GPHN: variants seen among roughly 807,000 people sequenced by gnomAD.
The protein encoded by GPHN is gephyrin.
In GPHN, 17 loss-of-function variants were observed where a neutral mutation model predicts 95.5. The observed-to-expected ratio is 0.18, with a 90% CI of 0.12 to 0.27. The LOEUF (loss-of-function observed/expected upper bound fraction) is 0.27. Among genes scored for constraint, GPHN ranks in the 10% least tolerant of loss-of-function variants. GPHN has a pLI of 1.00. For missense variants in GPHN, 660 were observed against 978.1 expected (o/e 0.67, Z 4.34); for synonymous variants, 320 against 322.5 (o/e 0.99, Z 0.08).
chr14:66,901,391 C>T (rs1350062851), intron 5 of GPHN, among the ~76,000 whole-genome samples: 2 of 151,842 alleles, frequency 1.3e-5, no homozygotes, highest in Non-Finnish European at 2.9e-5. Flanking sequence ...TTTGTATAAC[C>T]CCATTTGTCT....
intron 5 of GPHN, among the ~76,000 whole-genome samples, chr14:66,893,901 A>G (rs1345056680): frequency 6.6e-6 from 1 of 152,156 alleles, no homozygotes; most frequent in Non-Finnish European, 1.5e-5. Context: ...ATGCTCATGG[A>G]TAGGAAGAAT....
At chr14:67,561,803 A>C in the GPHN span, 1 of 632,370 alleles carries the variant, frequency 1.6e-6, no homozygotes, top group South Asian at 2.0e-5. Context: ...CTGGGAGGTC[A>C]AGGCTGCAGT....
chr14:66,581,027 G>A (rs1464359685), intron 1 of GPHN, among the ~76,000 whole-genome samples: 1 of 151,726 alleles, frequency 6.6e-6, no homozygotes, highest in East Asian at 1.9e-4. Context: ...GTTGATAAAT[G>A]TCATACATTA....
intron 8 of GPHN, among the ~76,000 whole-genome samples, chr14:66,957,193 T>C (rs1213591551): frequency 1.2e-4 from 16 of 128,162 alleles, no homozygotes; most frequent in African/African-American, 4.6e-4. Context: ...CTTTCTTTTT[T>C]TTTTTTTTTT....
the GPHN span, among the ~76,000 whole-genome samples, chr14:67,554,193 T>C: frequency 2.0e-5 from 3 of 152,198 alleles, no homozygotes; most frequent in African/African-American, 7.2e-5. Context: ...AACTACTGCT[T>C]CCATGTAACT....
chr14:67,709,907 C>A, the GPHN span, among the ~76,000 whole-genome samples: 1 of 152,178 alleles, frequency 6.6e-6, no homozygotes, highest in African/African-American at 2.4e-5. Flanking sequence ...TAGGGCAAAC[C>A]TGCCTTCCAT....
At chr14:66,870,284 A>AGTG (rs2063381186) in intron 4 of GPHN, among the ~76,000 whole-genome samples, 1 of 152,174 alleles carries the variant, frequency 6.6e-6, no homozygotes, top group Admixed American at 6.5e-5. Context: ...CATCAGCATC[A>AGTG]ATGCCTTTCA....
chr14:66,832,008 A>C (rs2061599262), intron 4 of GPHN, among the ~76,000 whole-genome samples: 2 of 152,070 alleles, frequency 1.3e-5, no homozygotes, highest in African/African-American at 4.8e-5. Context: ...TTAGCCAGGC[A>C]TGTTGTTGCA....
chr14:67,314,093 C>T, the GPHN span, among the ~76,000 whole-genome samples: 4 of 151,852 alleles, frequency 2.6e-5, no homozygotes, highest in African/African-American at 9.7e-5. Context: ...GCGATCATCC[C>T]TCCTACTCAC....
At chr14:67,709,877 A>T in the GPHN span, among the ~76,000 whole-genome samples, 1 of 152,218 alleles carries the variant, frequency 6.6e-6, no homozygotes, top group Non-Finnish European at 1.5e-5. Flanking sequence ...CACTAAGGAA[A>T]TCTCAAGCTG....
At chr14:66,568,635 TA>T (rs756238872) in intron 1 of GPHN, among the ~76,000 whole-genome samples, 38 of 152,268 alleles carry the variant, frequency 2.5e-4, no homozygotes, top group Middle Eastern at 3.4e-3. Flanking sequence ...AATTGAACTT[TA>T]AATACATTCT....
the GPHN span, among the ~76,000 whole-genome samples, chr14:67,331,653 A>G: frequency 1.3e-5 from 2 of 152,188 alleles, no homozygotes; most frequent in African/African-American, 4.8e-5. Context: ...ATGAAGTACT[A>G]AATAAGTGAT....
intron 4 of GPHN, 130 bp from the exon 5 acceptor site, chr14:66,879,809 A>T (rs1462577855): frequency 1.9e-5 from 13 of 699,236 alleles, no homozygotes; most frequent in Non-Finnish European, 3.1e-5. Flanking sequence ...AAAAAGATAA[A>T]TGTTTCAGAA....
At chr14:66,675,938 A>G (rs1207449000) in intron 1 of GPHN, among the ~76,000 whole-genome samples, 2 of 151,940 alleles carry the variant, frequency 1.3e-5, no homozygotes, top group Non-Finnish European at 2.9e-5. Context: ...TAAAAACATC[A>G]CTGATTCTTG....
the GPHN span, among the ~76,000 whole-genome samples, chr14:67,520,363 G>A: frequency 5.3e-5 from 8 of 152,048 alleles, no homozygotes; most frequent in African/African-American, 1.9e-4. Flanking sequence ...TTAACCCCTG[G>A]CAACCACTGT....
the GPHN span, chr14:67,225,177 GC>G: frequency 6.3e-7 from 1 of 1,577,522 alleles, no homozygotes; most frequent in Non-Finnish European, 8.6e-7. Context: ...TCATCTGTCT[GC>G]CCCTTTCTCA....
intron 5 of GPHN, among the ~76,000 whole-genome samples, chr14:66,893,617 T>A (rs2064650615): frequency 6.6e-6 from 1 of 152,192 alleles, no homozygotes; most frequent in African/African-American, 2.4e-5. Context: ...GAAAACCCCA[T>A]CGTCTCAGCC....
At chr14:67,519,722 T>A in the GPHN span, among the ~76,000 whole-genome samples, 1 of 151,644 alleles carries the variant, frequency 6.6e-6, no homozygotes, top group Non-Finnish European at 1.5e-5. Flanking sequence ...TTGTTTTTTT[T>A]TTTTTTTACT....
intron 17 of GPHN, among the ~76,000 whole-genome samples, chr14:67,135,838 T>C (rs1016670105): frequency 1.3e-5 from 2 of 152,172 alleles, no homozygotes; most frequent in South Asian, 2.1e-4. Flanking sequence ...AGTATGTCAG[T>C]CTCTTGCTCT....
Sources: allele counts gnomAD v4.1 joint callset (sites outside exome capture counted in the v4.1 genomes callset), GRCh38; gene constraint gnomAD v4.1.1; transcripts MANE v1.5; gene names NCBI Gene and HGNC (gene_info 2026-07-23, HGNC 2026-07-21).